The following SLC4A4 variants were observed in gnomAD, a reference collection of about 807,000 sequenced individuals.
SLC4A4 encodes the protein solute carrier family 4 member 4.
SLC4A4 carries 27 observed loss-of-function variants against 111.5 expected under a neutral mutation model. The observed-to-expected ratio is 0.24, with a 90% confidence interval of 0.18 to 0.33. The LOEUF (loss-of-function observed/expected upper bound fraction) is 0.33, where lower values mean the gene tolerates loss of function less well. SLC4A4 is among the 10% of genes least tolerant of loss of function. The probability of loss-of-function intolerance (pLI) is 1.00; values close to 1 mark genes in which losing one functional copy is unlikely to be tolerated. For synonymous variants in SLC4A4, 443 were observed against 463.4 expected (o/e 0.96, Z 0.57); for missense variants, 909 against 1,315.5 (o/e 0.69, Z 4.78).
At chr4:71,070,465 C>T (rs963509250) in intron 1 of SLC4A4, among the ~76,000 whole-genome samples, 3 of 152,134 alleles carry the variant, frequency 2.0e-5, no homozygotes, top group Admixed American at 2.0e-4. Flanking sequence ...ATGTACGACA[C>T]TTTCATATTT....
At chr4:71,461,971 A>G (rs1360741845) in intron 12 of SLC4A4, among the ~76,000 whole-genome samples, 1 of 152,160 alleles carries the variant, frequency 6.6e-6, no homozygotes, top group Non-Finnish European at 1.5e-5. Flanking sequence ...TTGATTTAAA[A>G]TTTACTCTGG....
intron 16 of SLC4A4, among the ~76,000 whole-genome samples, chr4:71,519,567 C>G (rs191076405): frequency 2.0e-5 from 3 of 152,210 alleles, no homozygotes; most frequent in Admixed American, 2.0e-4. Flanking sequence ...CCTTATACCC[C>G]AACTCATTTC....
chr4:71,368,476 G>A (rs1171014363), intron 6 of SLC4A4, among the ~76,000 whole-genome samples: 5 of 142,384 alleles, frequency 3.5e-5, no homozygotes, highest in African/African-American at 9.7e-5. Context: ...AGGAAATTGA[G>A]ATCCAGCTCT....
intron 3 of SLC4A4, among the ~76,000 whole-genome samples, chr4:71,332,885 G>A (rs1728131522): frequency 1.3e-5 from 2 of 152,166 alleles, no homozygotes; most frequent in South Asian, 4.1e-4. Flanking sequence ...CAATCTCTTT[G>A]TTAAAGTTAT....
At chr4:71,337,899 G>A (rs910624530) in intron 3 of SLC4A4, among the ~76,000 whole-genome samples, 2 of 151,548 alleles carry the variant, frequency 1.3e-5, no homozygotes, top group African/African-American at 4.9e-5. Context: ...GCATGATCTC[G>A]GCTCACTGCA....
intron 1 of SLC4A4, chr4:71,235,951 C>T: frequency 5.3e-6 from 4 of 760,518 alleles, no homozygotes; most frequent in Non-Finnish European, 6.4e-6. Context: ...GCTGGATAAT[C>T]CTCAGATGTC....
At chr4:71,339,831 C>T (rs181588487) in intron 4 of SLC4A4, among the ~76,000 whole-genome samples, 2,686 of 151,906 alleles carry the variant, frequency 0.018, 92 homozygotes, top group African/African-American at 0.062. Context: ...CTCAGGTACC[C>T]AAAAATGACA....
intron 1 of SLC4A4, among the ~76,000 whole-genome samples, chr4:71,076,532 TA>T (rs879532094): frequency 3.0e-3 from 434 of 144,210 alleles, no homozygotes; most frequent in East Asian, 4.6e-3. Context: ...ACTCTGTCTT[TA>T]AAAAAAAAAA....
intron 20 of SLC4A4, among the ~76,000 whole-genome samples, chr4:71,554,626 G>A (rs1736306554): frequency 6.6e-6 from 1 of 151,500 alleles, no homozygotes; most frequent in Admixed American, 6.6e-5. Flanking sequence ...AGAAGCGAGG[G>A]GATAGTCTTT....
chr4:71,452,089 A>G (rs556178997), intron 11 of SLC4A4, among the ~76,000 whole-genome samples: 4 of 58,158 alleles, frequency 6.9e-5, no homozygotes, highest in Non-Finnish European at 9.8e-5. Context: ...CTTTTTAAAA[A>G]CACTGCAGGG....
chr4:71,173,139 T>C (rs1234905979), intron 2 of SLC4A4, among the ~76,000 whole-genome samples: 1 of 152,174 alleles, frequency 6.6e-6, no homozygotes, highest in Non-Finnish European at 1.5e-5. Flanking sequence ...AAAACACCAT[T>C]GAAACTCTCA....
intron 16 of SLC4A4, among the ~76,000 whole-genome samples, chr4:71,530,978 A>G (rs1733862134): frequency 6.6e-6 from 1 of 152,086 alleles, no homozygotes; most frequent in East Asian, 1.9e-4. Context: ...CTTGTATATA[A>G]CTTGGCTATG....
At chr4:71,250,931 G>A (rs1358749129) in intron 2 of SLC4A4, among the ~76,000 whole-genome samples, 1 of 152,130 alleles carries the variant, frequency 6.6e-6, no homozygotes, top group Non-Finnish European at 1.5e-5. Flanking sequence ...TTTTGCACCT[G>A]TACAATGGGG....
At chr4:71,314,187 T>G in intron 3 of SLC4A4, among the ~76,000 whole-genome samples, 1 of 152,162 alleles carries the variant, frequency 6.6e-6, no homozygotes, top group East Asian at 1.9e-4. Flanking sequence ...TCATCACTGG[T>G]CATTAGAGAA....
intron 3 of SLC4A4, among the ~76,000 whole-genome samples, chr4:71,311,229 C>A (rs1484058528): frequency 6.6e-6 from 1 of 152,046 alleles, no homozygotes; most frequent in Non-Finnish European, 1.5e-5. Flanking sequence ...ACTTAGACTC[C>A]CACACAGTAA....
intron 7 of SLC4A4, among the ~76,000 whole-genome samples, chr4:71,418,044 A>G (rs1205368406): frequency 2.6e-5 from 4 of 152,232 alleles, no homozygotes; most frequent in African/African-American, 4.8e-5. Flanking sequence ...GTAAGTAGCT[A>G]TATGCGTATT....
At chr4:71,113,611 T>C (rs1230722664) in intron 2 of SLC4A4, among the ~76,000 whole-genome samples, 1 of 152,190 alleles carries the variant, frequency 6.6e-6, no homozygotes, top group Non-Finnish European at 1.5e-5. Flanking sequence ...TTAATTGCGG[T>C]GGTCATGCAC....
At chr4:71,080,339 A>T (rs982846679) in intron 1 of SLC4A4, among the ~76,000 whole-genome samples, 5 of 151,994 alleles carry the variant, frequency 3.3e-5, no homozygotes, top group Non-Finnish European at 7.4e-5. Flanking sequence ...GTTCTCCTAG[A>T]TGTCAACTGA....
intron 2 of SLC4A4, among the ~76,000 whole-genome samples, chr4:71,115,296 C>A (rs1743214981): frequency 3.3e-5 from 5 of 151,492 alleles, no homozygotes; most frequent in African/African-American, 1.2e-4. Context: ...TGTAACTAAC[C>A]TGCACAGTGT....
Sources: gnomAD v4.1 joint callset for allele counts (sites outside exome capture counted in the v4.1 genomes callset) on GRCh38, gnomAD v4.1.1 for gene constraint, MANE v1.5 for transcripts, NCBI Gene and HGNC (gene_info 2026-07-23, HGNC 2026-07-21) for gene names.